The following STX2 variants were observed in gnomAD, a reference collection of about 807,000 sequenced individuals.
STX2 encodes syntaxin-2.
Under a neutral mutation model 40.6 loss-of-function variants are expected in STX2, and 27 were observed. The observed-to-expected ratio is 0.66, with a 90% CI of 0.49 to 0.92. The LOEUF (loss-of-function observed/expected upper bound fraction) is 0.92, where lower values mean the gene tolerates loss of function less well. Among genes scored for constraint, STX2 ranks in the 40% least tolerant of loss-of-function variants. The pLI, the probability that STX2 is intolerant of heterozygous loss-of-function variation, is 0.00. For missense variants in STX2, 328 were observed against 366.1 expected (o/e 0.90, Z 0.85); for synonymous variants, 123 against 119.1 (o/e 1.03, Z -0.22).
chr12:130,839,150 C>T lies in STX2; in HGVS notation c.-51G>A, dbSNP rs1243248966. 4.3e-6 allele frequency: 5 copies of T among 1,172,290 alleles called. No homozygotes were observed. The highest frequency in any genetic ancestry group is 3.2e-5 in the African/African-American group (2 of 61,978). The allele number at this position is 1,172,290 out of a possible 1,614,324, so 72.6% of individuals were successfully genotyped here. ...GCCGCTCAAGCCTGTCCCGAGCTGC[C>T]TCCGGCCGGGCCTCGGGCTCTCCGG... On this transcript the variant is annotated 5_prime_UTR_variant, in exon 1 of 11. Transcript: ENST00000392373.
chr12:130,814,236 G>A (rs370680403), intron 3 of STX2, among the ~76,000 whole-genome samples: 14 of 152,110 alleles, frequency 9.2e-5, no homozygotes, highest in African/African-American at 2.9e-4. Flanking sequence ...AGGCTAACAA[G>A]ACCGCCAGGG....
At chr12:130,838,956 G>T in intron 1 of STX2, 114 bp downstream of exon 1, 1 of 1,094,170 alleles carries the variant, frequency 9.1e-7, no homozygotes, top group Non-Finnish European at 1.2e-6. Context: ...GAACGCCGGA[G>T]ATCCCCGCCC....
chr12:130,837,848 G>C (rs373688731), intron 1 of STX2, among the ~76,000 whole-genome samples: 3 of 152,168 alleles, frequency 2.0e-5, no homozygotes, highest in Admixed American at 6.5e-5. Context: ...GGGAATATTT[G>C]TCCATTAATA....
chr12:130,813,375 G>C (rs1368727622), intron 3 of STX2, among the ~76,000 whole-genome samples: 3 of 152,186 alleles, frequency 2.0e-5, no homozygotes, highest in African/African-American at 7.2e-5. Context: ...TGAAACTGCT[G>C]CCTAAATCCA....
chr12:130,821,668 T>C, intron 3 of STX2, 21 bp downstream of exon 3: 1 of 1,595,802 alleles, frequency 6.3e-7, no homozygotes, highest in Non-Finnish European at 8.6e-7. Context: ...AAACGTTTTG[T>C]TGTGAAAACC....
chr12:130,798,282 A>G, intron 9 of STX2: 1 of 301,298 alleles, frequency 3.3e-6, no homozygotes, highest in Non-Finnish European at 5.9e-6. Flanking sequence ...CTGGGATTAC[A>G]GGCGTGCCAC....
chr12:130,799,897 T>G (rs902896457), intron 8 of STX2, among the ~76,000 whole-genome samples: 3 of 152,090 alleles, frequency 2.0e-5, no homozygotes, highest in African/African-American at 7.2e-5. Flanking sequence ...CAGTGTTTCT[T>G]AACAAGGTTG....
chr12:130,827,288 T>C (rs377507661), intron 1 of STX2, 21 bp from the exon 2 acceptor site: 114 of 1,606,722 alleles, frequency 7.1e-5, no homozygotes, highest in Non-Finnish European at 9.3e-5. Flanking sequence ...AAATGGAAAA[T>C]TCAGTTTTTT....
At chr12:130,793,476 G>A (rs566789610) in intron 10 of STX2, among the ~76,000 whole-genome samples, 4 of 152,176 alleles carry the variant, frequency 2.6e-5, no homozygotes, top group Non-Finnish European at 4.4e-5. Flanking sequence ...CTCATCTCCT[G>A]CTGCTGTTGT....
intron 1 of STX2, among the ~76,000 whole-genome samples, chr12:130,832,190 C>T (rs1335427035): frequency 6.6e-6 from 1 of 151,576 alleles, no homozygotes; most frequent in Non-Finnish European, 1.5e-5. Context: ...CTCAGCTATA[C>T]ATTCATATTT....
chr12:130,803,677 A>C (rs1016919627), intron 6 of STX2, among the ~76,000 whole-genome samples: 13 of 116,462 alleles, frequency 1.1e-4, no homozygotes, highest in Non-Finnish European at 1.9e-4. Flanking sequence ...AAAAAAAAAA[A>C]AAAAAAAAAA....
intron 1 of STX2, 61 bp downstream of exon 1, chr12:130,839,009 C>A: frequency 7.7e-7 from 1 of 1,302,102 alleles, no homozygotes; most frequent in Non-Finnish European, 9.8e-7. Context: ...CCCGAGCCCC[C>A]GCCCGCCCTC....
chr12:130,836,814 G>A (rs978652591), intron 1 of STX2, among the ~76,000 whole-genome samples: 1 of 152,198 alleles, frequency 6.6e-6, no homozygotes, highest in African/African-American at 2.4e-5. Flanking sequence ...AACTCCATGA[G>A]TGGAAACTTC....
At chr12:130,838,834 G>A (rs893069468) in intron 1 of STX2, among the ~76,000 whole-genome samples, 1 of 151,788 alleles carries the variant, frequency 6.6e-6, no homozygotes, top group African/African-American at 2.4e-5. Flanking sequence ...GGAAGCCCTG[G>A]GGACCCCGCC....
chr12:130,832,409 T>C (rs1389137330), intron 1 of STX2, among the ~76,000 whole-genome samples: 1 of 152,182 alleles, frequency 6.6e-6, no homozygotes, highest in Non-Finnish European at 1.5e-5. Flanking sequence ...GATGGTTTTC[T>C]GGAACATACA....
intron 1 of STX2, among the ~76,000 whole-genome samples, chr12:130,831,688 T>G (rs1345042119): frequency 6.6e-6 from 1 of 152,140 alleles, no homozygotes; most frequent in Non-Finnish European, 1.5e-5. Flanking sequence ...GTAAATATGG[T>G]GCTAAACGTA....
intron 4 of STX2, among the ~76,000 whole-genome samples, chr12:130,811,666 A>C (rs1951662190): frequency 6.7e-6 from 1 of 150,002 alleles, no homozygotes; most frequent in Non-Finnish European, 1.5e-5. Context: ...CAGCCTCCTG[A>C]GTAGCTGGGA....
chr12:130,801,366 T>C (rs1261144467), intron 7 of STX2, 49 bp downstream of exon 7: 3 of 1,593,164 alleles, frequency 1.9e-6, no homozygotes, highest in South Asian at 2.3e-5. Context: ...TTTAAAAAGC[T>C]CTGTCTACAG....
chr12:130,835,209 C>A (rs1334017639), intron 1 of STX2, among the ~76,000 whole-genome samples: 1 of 152,138 alleles, frequency 6.6e-6, no homozygotes, highest in Admixed American at 6.5e-5. Context: ...GGATGGCTTG[C>A]GCCTGGGAGG....
Sources: allele counts gnomAD v4.1 joint callset (sites outside exome capture counted in the v4.1 genomes callset), GRCh38; gene constraint gnomAD v4.1.1; transcripts MANE v1.5; gene names NCBI Gene and HGNC (gene_info 2026-07-23, HGNC 2026-07-21).